Variants in MFN2 observed in about 807,000 individuals in gnomAD.
MFN2 encodes mitofusin-2.
A neutral mutation model predicts 87.5 loss-of-function variants in MFN2; 43 were observed. The ratio of observed to expected loss-of-function variants is 0.49; its 90% CI spans 0.38 to 0.63. The LOEUF is 0.63. Among genes scored for constraint, MFN2 ranks in the 30% least tolerant of loss-of-function variants. The probability of loss-of-function intolerance (pLI) is 0.00; values close to 1 mark genes in which losing one functional copy is unlikely to be tolerated. For missense variants in MFN2, 743 were observed against 972.8 expected (o/e 0.76, Z 3.14); for synonymous variants, 337 against 359.9 (o/e 0.94, Z 0.72).
intron 15 of MFN2, 57 bp downstream of exon 15, chr1:12,005,988 C>G (rs769784779): frequency 1.3e-6 from 2 of 1,533,696 alleles, no homozygotes; most frequent in Non-Finnish European, 1.8e-6. Context: ...TACCCTGCCT[C>G]CAGACACGGG....
chr1:12,006,390 C>T (rs1222032577), intron 15 of MFN2, 148 bp from the exon 16 acceptor site: 2 of 1,068,584 alleles, frequency 1.9e-6, no homozygotes, highest in Non-Finnish European at 2.7e-6. Context: ...TCCTCTGCTA[C>T]ATCTGAAGCT....
At chr1:12,005,047 C>A (rs1054333465) in intron 14 of MFN2, 120 bp downstream of exon 14, 1 of 806,580 alleles carries the variant, frequency 1.2e-6, no homozygotes. Flanking sequence ...TGATTCAACT[C>A]GATACCTTCA....
chr1:12,011,412 C>T (rs1040452935), intron 18 of MFN2, 84 bp from the exon 19 acceptor site: 46 of 1,349,776 alleles, frequency 3.4e-5, no homozygotes, highest in African/African-American at 2.9e-4. Context: ...GTGTGTCAAG[C>T]GTCCTTAGGA....
At position 12,004,854 on chromosome 1, in the gene MFN2, G is replaced by C. The variant is rs1331925025; in HGVS notation, c.1422G>C (p.Leu474=). 6.2e-7 allele frequency: 1 copy of C among 1,613,988 alleles called. No individual in the cohort carries two copies. Among genetic ancestry groups the C allele is most frequent in the East Asian group, 2.2e-5 (1 of 44,880 alleles). The change falls in exon 14 of 19, where the codon CTG becomes CTC. Residue 474 remains leucine (L), a synonymous_variant. Coordinates refer to ENST00000235329, the MANE Select transcript of MFN2 (RefSeq NM_014874.4). This position sits in a 1 kb window ranked among gnomAD's most constrained non-coding sequence, Gnocchi z 4.2. ...TGCACCGCCACATAGAGGAAGGACT[G>C]GGTCGAAACATGTCTGACCGCTGCT... ...NELHRHIEEG[L]GRNMSDRCST... is the part of the protein sequence containing the mutation.
Position 11,999,238 on chromosome 1 carries a change from G to A in MFN2, c.816+143G>A, listed in dbSNP as rs1207263619. 8 of 745,850 alleles carry A rather than the reference G, an allele frequency of 1.1e-5. No individual in the cohort carries two copies. In the African/African-American group the frequency reaches 1.4e-4, roughly 13 times the overall value. 46.2% of individuals were successfully genotyped at this position (745,850 alleles called of 1,614,324 possible). ...AAGAATTCTCCAAATACTCTTCTGT[G>A]GTATCTTCTGGTGGTCTTTCCCCTC... On this transcript the variant is annotated intron_variant, in intron 8 of 18. Transcript: ENST00000235329.
At position 12,013,072 on chromosome 1, in the gene MFN2, A is replaced by G; in HGVS notation, c.*1507A>G. 3.0e-6 allele frequency: 1 copy of G among 338,606 alleles called. No individual in the cohort carries two copies. Among genetic ancestry groups the G allele is most frequent in the Non-Finnish European group, 5.8e-6 (1 of 173,838 alleles). 21.0% of individuals were successfully genotyped at this position (338,606 alleles called of 1,614,324 possible). A position where few individuals can be genotyped will look rare whatever the true frequency, so the allele number is the denominator to read the frequency against. On this transcript the variant is annotated 3_prime_UTR_variant, in exon 19 of 19. Transcript: ENST00000235329. ...GTGGGGCGAAGTGATGGACTCTGCC[A>G]GGTGGACATGCTGTGGGTGGATGTT...
At chr1:11,998,730 T>C in intron 6 of MFN2, 40 bp from the exon 7 acceptor site, 1 of 1,584,628 alleles carries the variant, frequency 6.3e-7, no homozygotes, top group Non-Finnish European at 8.7e-7. Context: ...ATAGGGCTCC[T>C]GCTCTGCCTG....
Position 12,013,335 on chromosome 1 carries a change from C to G in MFN2, c.*1770C>G, listed in dbSNP as rs188643967. The G allele has an allele frequency of 2.1e-6, 1 of 470,766 alleles. No homozygotes were observed. The highest frequency in any genetic ancestry group is 1.6e-5 in the South Asian group (1 of 64,388). 29.2% of individuals were successfully genotyped at this position (470,766 alleles called of 1,614,324 possible). On this transcript the variant is annotated 3_prime_UTR_variant, in exon 19 of 19. Transcript: ENST00000235329. ...AGACCCTTTCTGAAAGAAGTATGGC[C>G]AAAAGCACTTTAATGCTGCTGACAT...
At chr1:12,008,492 G>A (rs1212740003) in intron 17 of MFN2, among the ~76,000 whole-genome samples, 2 of 151,856 alleles carry the variant, frequency 1.3e-5, no homozygotes, top group Non-Finnish European at 2.9e-5. Flanking sequence ...TCCCGGACGG[G>A]GCGGCTGCTA....
At chr1:11,996,127 C>T (rs1405002700) in intron 4 of MFN2, 29 bp from the exon 5 acceptor site, 1 of 1,614,046 alleles carries the variant, frequency 6.2e-7, no homozygotes, top group African/African-American at 1.3e-5. Context: ...ATACTGGTGG[C>T]TTTGCTGACA....
At chr1:11,983,974 A>G (rs1209840806) in intron 2 of MFN2, among the ~76,000 whole-genome samples, 1 of 152,212 alleles carries the variant, frequency 6.6e-6, no homozygotes, top group Non-Finnish European at 1.5e-5. Flanking sequence ...GGTTGACAGT[A>G]GGTTTTACGC....
chr1:11,995,588 G>A (rs1047142856), intron 4 of MFN2, among the ~76,000 whole-genome samples: 8 of 151,616 alleles, frequency 5.3e-5, no homozygotes, highest in Admixed American at 3.9e-4. Context: ...AGCTGAGATC[G>A]TGCCACTGCA....
At chr1:11,984,558 C>T (rs1271303724) in intron 2 of MFN2, among the ~76,000 whole-genome samples, 1 of 152,250 alleles carries the variant, frequency 6.6e-6, no homozygotes, top group African/African-American at 2.4e-5. Context: ...CTCCTATCCA[C>T]AGCCCTTGTT....
At position 12,009,221 on chromosome 1, in the gene MFN2, G is replaced by A. The variant is rs559999247; in HGVS notation, c.2070-371G>A. ...GAGGGAGAGGGAGACCGTGGGGAGA[G>A]GGAGAGGGAGCGGGAGAGGGAGAGG... On this transcript the variant is annotated intron_variant, in intron 17 of 18. Coordinates refer to ENST00000235329, the MANE Select transcript of MFN2 (RefSeq NM_014874.4). Among the ~76,000 whole-genome samples the A allele has an allele frequency of 5.3e-5, 8 of 151,510 alleles. No individual in the cohort carries two copies. The South Asian group carries it at 1.7e-3, about 32-fold the overall frequency.
At position 12,004,022 on chromosome 1, in the gene MFN2, G is replaced by A. The variant is rs758952131; in HGVS notation, c.1191G>A (p.Arg397=). The change falls in exon 12 of 19, where the codon CGG becomes CGA. Residue 397 remains arginine, a synonymous_variant. Coordinates refer to ENST00000235329, the MANE Select transcript of MFN2 (RefSeq NM_014874.4). The surrounding 1 kb of genome is among the most constrained non-coding windows in gnomAD (Gnocchi z 4.2). ...ACTGCGAGGAAATGCGTGAAGAGCG[G>A]CAAGACCGACTGAAATTTATTGACA... The part of the protein sequence containing the change: ...QVYCEEMREE[R]QDRLKFIDKQ... 11 of 1,614,094 alleles carry A rather than the reference G, an allele frequency of 6.8e-6. No individual in the cohort carries two copies. Among genetic ancestry groups the A allele is most frequent in the Non-Finnish European group, 6.8e-6 (8 of 1,180,046 alleles).
intron 17 of MFN2, among the ~76,000 whole-genome samples, chr1:12,008,472 A>AC (rs572044327): frequency 2.3e-5 from 3 of 131,980 alleles, no homozygotes; most frequent in African/African-American, 3.3e-5. Flanking sequence ...GCGGGGACTG[A>AC]CCCCCCACCT....
rs373679523 is a variant in MFN2 at position 11,989,152 on chromosome 1, G to T, written c.-4-13G>T. On this transcript the variant is annotated splice_polypyrimidine_tract_variant and intron_variant, in intron 2 of 18. Coordinates refer to ENST00000235329, the MANE Select transcript of MFN2 (RefSeq NM_014874.4). ...GGTGTTGCTGGGTTCGCTCACGTTA[G>T]CTTCTCTTGCAGCGCAATGTCCCTG... 8.3e-4 allele frequency: 1,333 copies of T among 1,613,836 alleles called. 2 individuals are homozygous for T. The highest frequency in any genetic ancestry group is 3.0e-3 in the South Asian group (269 of 91,076).
rs3737960 is a variant in MFN2 at position 12,013,111 on chromosome 1, G to A, written c.*1546G>A. Reference sequence around the variant, plus strand: ...TGGGTGGATGTTCCCGGCGTGTGCCGGGCCTGAATGGACAGGGGCCACTTC... The same window carrying A: ...TGGGTGGATGTTCCCGGCGTGTGCCAGGCCTGAATGGACAGGGGCCACTTC... On this transcript the variant is annotated 3_prime_UTR_variant, in exon 19 of 19. Transcript: ENST00000235329. 1.0e-3 allele frequency: 349 copies of A among 342,978 alleles called. 8 individuals are homozygous for A. In the East Asian group the frequency reaches 0.018, roughly 18 times the overall value. The allele number at this position is 342,978 out of a possible 1,614,324, so 21.2% of individuals were successfully genotyped here.
Position 12,013,275 on chromosome 1 carries a change from C to T in MFN2, c.*1710C>T, listed in dbSNP as rs1165718996. The T allele has an allele frequency of 4.7e-6, 2 of 422,576 alleles. No individual in the cohort carries two copies. The highest frequency in any genetic ancestry group is 9.8e-6 in the Non-Finnish European group (2 of 203,256). 26.2% of individuals were successfully genotyped at this position (422,576 alleles called of 1,614,324 possible). A position where few individuals can be genotyped will look rare whatever the true frequency, so the allele number is the denominator to read the frequency against. ...GAATGAATGAAATTTTGAGCTTCTT[C>T]AATACGTAAAATTAAATTTATACCA... is the stretch of plus-strand genomic sequence containing the variant. On this transcript the variant is annotated 3_prime_UTR_variant, in exon 19 of 19. Transcript: ENST00000235329.
Sources: allele counts gnomAD v4.1 joint callset (sites outside exome capture counted in the v4.1 genomes callset), GRCh38; gene constraint gnomAD v4.1.1; non-coding constraint Gnocchi (gnomAD v3.1); transcripts MANE v1.5; gene names NCBI Gene and HGNC (gene_info 2026-07-23, HGNC 2026-07-21).